The following EEF1G variants were observed in gnomAD, a reference collection of about 807,000 sequenced individuals.
The protein encoded by EEF1G is elongation factor 1-gamma.
A neutral mutation model predicts 58.3 loss-of-function variants in EEF1G; 14 were observed. That is an observed-to-expected ratio of 0.24 (90% CI 0.16 to 0.38). The LOEUF is 0.38. EEF1G is among the 10% of genes least tolerant of loss of function. The pLI, the probability that EEF1G is intolerant of heterozygous loss-of-function variation, is 1.00. For missense variants in EEF1G, 322 were observed against 550.1 expected (o/e 0.59, Z 4.15); for synonymous variants, 180 against 206.8 (o/e 0.87, Z 1.11).
intron 7 of EEF1G, among the ~76,000 whole-genome samples, chr11:62,566,529 C>A (rs1941557706): frequency 6.6e-6 from 1 of 152,216 alleles, no homozygotes; most frequent in African/African-American, 2.4e-5. Flanking sequence ...TTGCTCAAAA[C>A]CAACTTACCA....
At chr11:62,559,982 A>G in intron 9 of EEF1G, 87 bp downstream of exon 9, 1 of 1,607,636 alleles carries the variant, frequency 6.2e-7, no homozygotes, top group Non-Finnish European at 8.5e-7. Flanking sequence ...GAACCCTCCT[A>G]AACATCCATC....
chr11:62,568,801 C>T (rs1403373554), intron 5 of EEF1G, among the ~76,000 whole-genome samples: 3 of 151,952 alleles, frequency 2.0e-5, no homozygotes, highest in South Asian at 2.1e-4. Context: ...GGTGAAACCC[C>T]GCCTCTCCTA....
intron 7 of EEF1G, among the ~76,000 whole-genome samples, chr11:62,561,478 T>C (rs1402079179): frequency 2.3e-4 from 32 of 138,530 alleles, no homozygotes; most frequent in Non-Finnish European, 4.3e-4. Flanking sequence ...ATCAAGACCA[T>C]CCTGGCCAAC....
At chr11:62,567,320 G>C in intron 6 of EEF1G, 79 bp downstream of exon 6, 1 of 1,504,434 alleles carries the variant, frequency 6.6e-7, no homozygotes, top group Non-Finnish European at 8.9e-7. Context: ...CCAAAAGCAA[G>C]ACAGGAAATC....
intron 7 of EEF1G, among the ~76,000 whole-genome samples, 186 bp downstream of exon 7, chr11:62,566,619 TC>T (rs1294480263): frequency 6.6e-6 from 1 of 152,244 alleles, no homozygotes; most frequent in Non-Finnish European, 1.5e-5. Flanking sequence ...AAACTTGCTC[TC>T]CACAATCAAA....
chr11:62,560,764 C>G (rs1941484752), intron 7 of EEF1G, among the ~76,000 whole-genome samples: 1 of 152,120 alleles, frequency 6.6e-6, no homozygotes, highest in African/African-American at 2.4e-5. Context: ...TTTCCCTGTT[C>G]AGGCCCTCCC....
rs780220758 is a variant in EEF1G, at chr11:62,560,333, G to A, written c.979C>T (p.Arg327Cys). 1.8e-5 allele frequency: 29 copies of A among 1,610,688 alleles called. No homozygotes were observed. The highest frequency in any genetic ancestry group is 1.2e-4 in the African/African-American group (9 of 74,886). ...GTCTGAGTGAGTTCTTCAGGGAAGC[G>A]ATACTCTGAGTACCACAGGGACCAG... is the stretch of plus-strand genomic sequence containing the variant. Reference protein sequence around the residue: ...DGWSLWYSEYRFPEELTQTFM... With the variant: ...DGWSLWYSEYCFPEELTQTFM... The change falls in exon 8 of 10, where the codon CGC becomes TGC. Residue 327 changes from arginine (R) to cysteine (C), a missense_variant. Transcript: ENST00000329251.
chr11:62,569,734 T>TA (rs1941604116), intron 5 of EEF1G, among the ~76,000 whole-genome samples: 1 of 152,202 alleles, frequency 6.6e-6, no homozygotes, highest in African/African-American at 2.4e-5. Flanking sequence ...AATTCTACTC[T>TA]ACCACTTAGT....
At chr11:62,570,828 T>C (rs1941618661) in intron 5 of EEF1G, 137 bp downstream of exon 5, 3 of 1,215,756 alleles carry the variant, frequency 2.5e-6, no homozygotes, top group Non-Finnish European at 3.5e-6. Flanking sequence ...TGTGCTCGGA[T>C]TACAGGCATG....
chr11:62,573,271 TC>T (rs1941659092), intron 1 of EEF1G: 2 of 158,134 alleles, frequency 1.3e-5, no homozygotes, highest in Admixed American at 1.3e-4. Context: ...CTCCTCTCTC[TC>T]AAAAAGCCTT....
intron 5 of EEF1G, 81 bp downstream of exon 5, chr11:62,570,884 T>A (rs917885629): frequency 1.3e-6 from 2 of 1,583,714 alleles, no homozygotes; most frequent in Middle Eastern, 1.7e-4. Flanking sequence ...CTCAGCAGAA[T>A]ACAGGGTAAC....
intron 1 of EEF1G, chr11:62,573,583 C>T (rs1017024715): frequency 3.3e-6 from 2 of 600,640 alleles, no homozygotes; most frequent in Non-Finnish European, 5.9e-6. Flanking sequence ...CTTTCTCAGG[C>T]TTCGGACGGC....
At chr11:62,572,186 ATGTC>A (rs1167919416) in intron 2 of EEF1G, among the ~76,000 whole-genome samples, 2 of 152,078 alleles carry the variant, frequency 1.3e-5, no homozygotes, top group African/African-American at 2.4e-5. Context: ...TCCTGTATCA[ATGTC>A]TGTATCAGTT....
At chr11:62,570,103 C>T (rs1052526508) in intron 5 of EEF1G, among the ~76,000 whole-genome samples, 3 of 151,766 alleles carry the variant, frequency 2.0e-5, no homozygotes, top group Non-Finnish European at 4.4e-5. Flanking sequence ...CTCTTGTCCC[C>T]CAGGCTGGAG....
intron 5 of EEF1G, 133 bp from the exon 6 acceptor site, chr11:62,567,661 C>A: frequency 1.2e-6 from 1 of 805,924 alleles, no homozygotes; most frequent in Non-Finnish European, 1.8e-6. Flanking sequence ...TAGCTTCATA[C>A]AACATCATCC....
rs951038498 is a variant in EEF1G at position 62,571,782 on chromosome 11, C to T, written c.235+56G>A. 17 of 1,565,764 alleles carry T rather than the reference C, an allele frequency of 1.1e-5. No homozygotes were observed. In the African/African-American group the frequency reaches 2.2e-4, roughly 20 times the overall value. On this transcript the variant is annotated intron_variant, in intron 3 of 9. Coordinates refer to ENST00000329251, the MANE Select transcript of EEF1G (RefSeq NM_001404.5). ...ATATCCACCCCCGCTCACACTTATC[C>T]TCTCCTACACCCTCACCTCCAAATT...
intron 4 of EEF1G, 25 bp downstream of exon 4, chr11:62,571,515 C>T (rs1941631118): frequency 6.3e-7 from 1 of 1,581,460 alleles, no homozygotes; most frequent in Non-Finnish European, 8.6e-7. Flanking sequence ...CTGCCCCTGG[C>T]TTCTCTCAAA....
chr11:62,571,487 C>T (rs1941630318), intron 4 of EEF1G, 53 bp downstream of exon 4: 2 of 1,550,988 alleles, frequency 1.3e-6, no homozygotes, highest in Non-Finnish European at 1.7e-6. Context: ...TCCCAACACC[C>T]AGGAGCTGAT....
intron 9 of EEF1G, 113 bp from the exon 10 acceptor site, chr11:62,559,950 G>T: frequency 1.2e-6 from 2 of 1,604,652 alleles, no homozygotes; most frequent in South Asian, 1.1e-5. Flanking sequence ...AACATGAACT[G>T]CTCCTTCCTA....
Sources: gnomAD v4.1 joint callset for allele counts (sites outside exome capture counted in the v4.1 genomes callset) on GRCh38, gnomAD v4.1.1 for gene constraint, MANE v1.5 for transcripts, NCBI Gene and HGNC (gene_info 2026-07-23, HGNC 2026-07-21) for gene names.